The following HYAL4 variants were observed in gnomAD, a reference collection of about 807,000 sequenced individuals.
The protein encoded by HYAL4 is hyaluronidase-4.
Under a neutral mutation model 35.2 loss-of-function variants are expected in HYAL4, and 37 were observed. That is an observed-to-expected ratio of 1.05 (90% CI 0.81 to 1.38). The LOEUF is 1.38. HYAL4 is among the 40% of genes most tolerant of loss of function. The pLI is 0.00. For synonymous variants in HYAL4, 198 were observed against 203.2 expected (o/e 0.97, Z 0.22); for missense variants, 572 against 572.4 (o/e 1.00, Z 0.01).
chr7:123,781,736 AAAT>A, the HYAL4 span, among the ~76,000 whole-genome samples: 45 of 152,330 alleles, frequency 3.0e-4, no homozygotes, highest in Admixed American at 2.2e-3. Flanking sequence ...ATGTATATTG[AAAT>A]AATAATACTA....
chr7:123,791,031 C>T, the HYAL4 span, among the ~76,000 whole-genome samples: 2 of 152,154 alleles, frequency 1.3e-5, no homozygotes, highest in Admixed American at 6.5e-5. Context: ...TCCCAAATTG[C>T]TGGGATTACA....
At position 123,852,422 on chromosome 7, in the gene HYAL4, G is replaced by A. The variant is rs574838175; in HGVS notation, c.-52+4264G>A. Among the ~76,000 whole-genome samples, 8 of 152,262 alleles carry A rather than the reference G, an allele frequency of 5.3e-5. No individual in the cohort carries two copies. In the South Asian group the frequency reaches 1.5e-3, roughly 28 times the overall value. ...TCTTGAGTTATTTTTTGTATAAGGT[G>A]TAAGGAAGGGGTCTAGTTTCAGTTT... On this transcript the variant is annotated intron_variant, in intron 2 of 4. Coordinates refer to ENST00000223026, the MANE Select transcript of HYAL4 (RefSeq NM_012269.3).
intron 2 of HYAL4, among the ~76,000 whole-genome samples, chr7:123,856,448 G>A (rs1481916760): frequency 2.0e-5 from 3 of 152,124 alleles, no homozygotes; most frequent in Non-Finnish European, 2.9e-5. Flanking sequence ...TAACAGTCAG[G>A]TCCCTCTTCT....
the HYAL4 span, among the ~76,000 whole-genome samples, chr7:123,778,197 C>T: frequency 2.0e-5 from 3 of 148,786 alleles, no homozygotes; most frequent in East Asian, 4.8e-4. Flanking sequence ...ATCTATCTAT[C>T]ACCTATTCGT....
chr7:123,777,789 C>G, the HYAL4 span, among the ~76,000 whole-genome samples: 2 of 152,124 alleles, frequency 1.3e-5, no homozygotes, highest in East Asian at 1.9e-4. Context: ...AAAAAGCATT[C>G]AATTCAGAAA....
At chr7:123,848,753 GT>G (rs1401707793) in intron 2 of HYAL4, among the ~76,000 whole-genome samples, 3 of 152,228 alleles carry the variant, frequency 2.0e-5, no homozygotes, top group African/African-American at 7.2e-5. Flanking sequence ...TAATTTTATA[GT>G]TATACTTACC....
chr7:123,776,338 T>C, the HYAL4 span, among the ~76,000 whole-genome samples: 1 of 152,204 alleles, frequency 6.6e-6, no homozygotes. Flanking sequence ...ATGGGCGACA[T>C]GCTGTCTCTT....
At chr7:123,860,216 C>G (rs943841713) in intron 2 of HYAL4, among the ~76,000 whole-genome samples, 16 of 152,146 alleles carry the variant, frequency 1.1e-4, no homozygotes, top group Non-Finnish European at 2.1e-4. Flanking sequence ...TTGTAAGTTT[C>G]CTGAGGCTTC....
intron 2 of HYAL4, among the ~76,000 whole-genome samples, chr7:123,857,669 G>GTTTGTTTGTTTCTTTCTTTC (rs1283770130): frequency 2.3e-4 from 29 of 124,738 alleles, no homozygotes; most frequent in Admixed American, 5.4e-4. Flanking sequence ...TTCTTTGTTT[G>GTTTGTTTGTTTCTTTCTTTC]TTTCTTTCTT....
Position 123,868,955 on chromosome 7 carries a change from G to C in HYAL4, c.682G>C (p.Val228Leu). 6.2e-7 allele frequency: 1 copy of C among 1,613,964 alleles called. No individual in the cohort carries two copies. Among genetic ancestry groups the C allele is most frequent in the Non-Finnish European group, 8.5e-7 (1 of 1,179,982 alleles). ...YLYPDCHNYN[V>L]YAPNYSGSCP... ...ATATCCTGATTGCCACAATTATAAC[G>C]TTTATGCCCCAAACTACTCTGGGTC... Residue 228 changes from valine to leucine, a missense_variant, in exon 3 of 5, where the codon GTT becomes CTT. Transcript: ENST00000223026.
chr7:123,833,647 A>C (rs1805918234), intron 1 of HYAL4, among the ~76,000 whole-genome samples: 1 of 152,016 alleles, frequency 6.6e-6, no homozygotes, highest in Admixed American at 6.6e-5. Context: ...TGGTCATGAA[A>C]TCCTTGCCTA....
the HYAL4 span, among the ~76,000 whole-genome samples, chr7:123,821,314 CTTG>C: frequency 6.6e-6 from 1 of 152,108 alleles, no homozygotes; most frequent in Non-Finnish European, 1.5e-5. Context: ...AACTTCAACA[CTTG>C]TTATCTTTTA....
intron 3 of HYAL4, among the ~76,000 whole-genome samples, chr7:123,870,449 A>G (rs1478986267): frequency 6.6e-6 from 1 of 152,176 alleles, no homozygotes; most frequent in Non-Finnish European, 1.5e-5. Context: ...ATAGGAAGTC[A>G]GTACCGTCTG....
At chr7:123,873,656 G>A (rs1340534965) in intron 3 of HYAL4, among the ~76,000 whole-genome samples, 2 of 152,168 alleles carry the variant, frequency 1.3e-5, no homozygotes, top group East Asian at 3.9e-4. Flanking sequence ...GTGAGGGAAT[G>A]TGTTGTAATT....
chr7:123,867,139 G>T (rs1264194005), intron 2 of HYAL4, among the ~76,000 whole-genome samples: 1 of 152,100 alleles, frequency 6.6e-6, no homozygotes, highest in African/African-American at 2.4e-5. Context: ...TACACCAGGG[G>T]TTTGGTCTAG....
In HYAL4 at chr7:123,874,157, T is replaced by C. The variant is rs533977419; in HGVS notation, c.955-604T>C. ...GTATGTGCCCCCGATTTATTTCAATTAAATAATTTCTGATAACTATTTACA... is the reference window on the plus strand; with the variant it reads ...GTATGTGCCCCCGATTTATTTCAATCAAATAATTTCTGATAACTATTTACA... On this transcript the variant is annotated intron_variant, in intron 3 of 4. Transcript: ENST00000223026. Among the ~76,000 whole-genome samples the C allele has an allele frequency of 9.7e-4, 147 of 152,328 alleles. 4 individuals are homozygous for C. In the South Asian group the frequency reaches 0.027, roughly 28 times the overall value.
chr7:123,850,368 A>C (rs989477819), intron 2 of HYAL4, among the ~76,000 whole-genome samples: 6 of 152,008 alleles, frequency 3.9e-5, no homozygotes, highest in Non-Finnish European at 8.8e-5. Context: ...CAGCCTCCTG[A>C]GTATCTGGAA....
At chr7:123,834,483 C>T (rs772304401) in intron 1 of HYAL4, among the ~76,000 whole-genome samples, 14 of 152,010 alleles carry the variant, frequency 9.2e-5, no homozygotes, top group African/African-American at 2.7e-4. Context: ...AGGAGCTTTT[C>T]GGAGGATTCT....
intron 3 of HYAL4, among the ~76,000 whole-genome samples, chr7:123,873,401 A>C (rs1806933892): frequency 4.1e-5 from 1 of 24,440 alleles, no homozygotes; most frequent in Non-Finnish European, 7.3e-5. Flanking sequence ...ACAATTGCCC[A>C]GAAAAAAAAA....
Sources: gnomAD v4.1 joint callset for allele counts (sites outside exome capture counted in the v4.1 genomes callset) on GRCh38, gnomAD v4.1.1 for gene constraint, MANE v1.5 for transcripts, NCBI Gene and HGNC (gene_info 2026-07-23, HGNC 2026-07-21) for gene names.